Variants in HEMK2 observed in about 807,000 individuals in gnomAD.
HEMK2 encodes the protein methyltransferase HEMK2.
the HEMK2 span, among the ~76,000 whole-genome samples, chr21:28,829,160 T>C: frequency 6.6e-6 from 1 of 152,216 alleles, no homozygotes; most frequent in African/African-American, 2.4e-5. Context: ...ACTGCAGCTG[T>C]CTCTTGAGAA....
chr21:28,761,116 T>C, the HEMK2 span, among the ~76,000 whole-genome samples: 1 of 152,136 alleles, frequency 6.6e-6, no homozygotes, highest in Non-Finnish European at 1.5e-5. Context: ...AAATGTGATG[T>C]TCAACAAATA....
chr21:28,781,054 T>C, the HEMK2 span, among the ~76,000 whole-genome samples: 1 of 152,228 alleles, frequency 6.6e-6, no homozygotes, highest in Non-Finnish European at 1.5e-5. Context: ...CTCTGGTTCC[T>C]AAATAACTTC....
the HEMK2 span, among the ~76,000 whole-genome samples, chr21:28,856,947 T>C: frequency 5.9e-5 from 9 of 152,278 alleles, no homozygotes; most frequent in Non-Finnish European, 1.0e-4. Flanking sequence ...GATCTGTTCA[T>C]TCCCCTAGGA....
chr21:28,847,880 T>G, the HEMK2 span, among the ~76,000 whole-genome samples: 1 of 151,822 alleles, frequency 6.6e-6, no homozygotes, highest in Non-Finnish European at 1.5e-5. Context: ...AGAGAGAGAG[T>G]CTTTCCCCAT....
chr21:28,611,883 G>C, the HEMK2 span, among the ~76,000 whole-genome samples: 13 of 140,870 alleles, frequency 9.2e-5, no homozygotes, highest in East Asian at 2.3e-3. Flanking sequence ...CTGCACTCCA[G>C]TCTGGGAGAC....
the HEMK2 span, among the ~76,000 whole-genome samples, chr21:28,837,904 A>G: frequency 6.6e-6 from 1 of 152,226 alleles, no homozygotes; most frequent in Non-Finnish European, 1.5e-5. Context: ...CAAGGCCACT[A>G]TGAACACCTT....
At chr21:28,824,468 C>G in the HEMK2 span, among the ~76,000 whole-genome samples, 1 of 152,144 alleles carries the variant, frequency 6.6e-6, no homozygotes, top group South Asian at 2.1e-4. Context: ...ATGCAAGAAA[C>G]AGTTTTTACA....
chr21:28,777,891 A>G, the HEMK2 span, among the ~76,000 whole-genome samples: 1 of 152,246 alleles, frequency 6.6e-6, no homozygotes, highest in Non-Finnish European at 1.5e-5. Flanking sequence ...TCCTAAATTT[A>G]AATAACAGAT....
At chr21:28,773,786 G>GCCAGAAC in the HEMK2 span, among the ~76,000 whole-genome samples, 1 of 152,130 alleles carries the variant, frequency 6.6e-6, no homozygotes, top group Admixed American at 6.5e-5. Flanking sequence ...CTACCTGAAA[G>GCCAGAAC]CCAGAACCTC....
the HEMK2 span, among the ~76,000 whole-genome samples, chr21:28,697,315 T>A: frequency 2.6e-5 from 4 of 152,134 alleles, no homozygotes; most frequent in South Asian, 6.2e-4. Flanking sequence ...ATTCCACAGA[T>A]CTCTAGGGCA....
the HEMK2 span, among the ~76,000 whole-genome samples, chr21:28,733,235 T>C: frequency 2.0e-5 from 3 of 152,126 alleles, no homozygotes; most frequent in African/African-American, 4.8e-5. Context: ...GCCGAGATCG[T>C]GCCACTGCAG....
At chr21:28,752,522 T>C in the HEMK2 span, among the ~76,000 whole-genome samples, 2 of 152,278 alleles carry the variant, frequency 1.3e-5, no homozygotes, top group South Asian at 2.1e-4. Flanking sequence ...TCTTGCAATA[T>C]AGTATATGTT....
chr21:28,582,441 A>G, the HEMK2 span, among the ~76,000 whole-genome samples: 1 of 152,188 alleles, frequency 6.6e-6, no homozygotes, highest in Admixed American at 6.5e-5. Context: ...GGAATCAAGT[A>G]TGTTTTACCA....
the HEMK2 span, among the ~76,000 whole-genome samples, chr21:28,793,037 T>C: frequency 6.2e-4 from 95 of 152,368 alleles, no homozygotes; most frequent in Middle Eastern, 3.4e-3. Flanking sequence ...AGAAGGTAAC[T>C]TATAATGCCT....
At chr21:28,585,929 T>G in the HEMK2 span, among the ~76,000 whole-genome samples, 1 of 152,246 alleles carries the variant, frequency 6.6e-6, no homozygotes, top group East Asian at 1.9e-4. Flanking sequence ...AAGGCACAGA[T>G]AGTTTAATCC....
the HEMK2 span, among the ~76,000 whole-genome samples, chr21:28,723,618 T>C: frequency 6.6e-6 from 1 of 152,184 alleles, no homozygotes; most frequent in South Asian, 2.1e-4. Context: ...GCTCTTCAAC[T>C]TCAAGTTTAA....
chr21:28,665,334 C>CTTTTTTTT, the HEMK2 span, among the ~76,000 whole-genome samples: 3 of 36,680 alleles, frequency 8.2e-5, no homozygotes, highest in Non-Finnish European at 9.3e-5. Context: ...ATTTATATTT[C>CTTTTTTTT]TTTTTTTTTT....
At chr21:28,836,705 G>A in the HEMK2 span, among the ~76,000 whole-genome samples, 2 of 152,158 alleles carry the variant, frequency 1.3e-5, no homozygotes, top group African/African-American at 4.8e-5. Flanking sequence ...CCACTTAAAA[G>A]ATACTGAACC....
chr21:28,814,940 C>T, the HEMK2 span, among the ~76,000 whole-genome samples: 1 of 152,122 alleles, frequency 6.6e-6, no homozygotes, highest in Non-Finnish European at 1.5e-5. Context: ...CGTATGTTTA[C>T]AGCGGCACTA....
Sources: allele counts gnomAD v4.1 joint callset (sites outside exome capture counted in the v4.1 genomes callset), GRCh38; gene constraint gnomAD v4.1.1; transcripts MANE v1.5; gene names NCBI Gene and HGNC (gene_info 2026-07-23, HGNC 2026-07-21).